RIOK3: variants seen among roughly 807,000 people sequenced by gnomAD.
The protein encoded by RIOK3 is RIO kinase 3.
A neutral mutation model predicts 63.5 loss-of-function variants in RIOK3; 40 were observed. That is an observed-to-expected ratio of 0.63 (90% CI 0.49 to 0.82). RIOK3 has a LOEUF of 0.82. RIOK3 is among the 40% of genes least tolerant of loss of function. RIOK3 has a pLI of 0.00. For missense variants in RIOK3, 557 were observed against 637.0 expected, an observed-to-expected ratio of 0.87 and a Z score of 1.35; for synonymous variants, 193 against 205.0, an observed-to-expected ratio of 0.94 and a Z score of 0.50.
At position 23,481,255 on chromosome 18, in the gene RIOK3, C is replaced by T. The variant is rs771618528; in HGVS notation, c.1536C>T (p.Asp512=). The change falls in exon 13 of 13, where the codon GAC becomes GAT. Residue 512 remains aspartate (D), a synonymous_variant. Coordinates refer to ENST00000339486, the MANE Select transcript of RIOK3 (RefSeq NM_003831.5). The part of the protein sequence containing the change: ...KAASFLKDDG[D]PPLLYDE ...CTTCATTTTTGAAAGATGATGGAGA[C>T]CCACCACTACTATATGATGAATAGC... is the stretch of plus-strand genomic sequence containing the variant. 84 of 1,605,138 alleles carry T rather than the reference C, an allele frequency of 5.2e-5. No homozygotes were observed. Among genetic ancestry groups the T allele is most frequent in the Non-Finnish European group, 6.9e-5 (81 of 1,173,700 alleles).
chr18:23,455,704 G>A (rs898518637), intron 1 of RIOK3, among the ~76,000 whole-genome samples: 1 of 151,836 alleles, frequency 6.6e-6, no homozygotes, highest in African/African-American at 2.4e-5. Flanking sequence ...GAGTGCAGTG[G>A]CATGATCACA....
intron 7 of RIOK3, among the ~76,000 whole-genome samples, chr18:23,469,465 T>C (rs2057441002): frequency 1.3e-5 from 2 of 148,172 alleles, no homozygotes; most frequent in African/African-American, 5.0e-5. Context: ...TCTCTTTTTC[T>C]TTCTTTCTTT....
intron 6 of RIOK3, 85 bp downstream of exon 6, chr18:23,466,361 G>T: frequency 8.9e-7 from 1 of 1,117,396 alleles, no homozygotes; most frequent in South Asian, 1.8e-5. Context: ...AAAACTTCAT[G>T]TTTGATATTT....
intron 12 of RIOK3, among the ~76,000 whole-genome samples, chr18:23,480,419 G>A (rs535114370): frequency 2.6e-5 from 4 of 152,178 alleles, no homozygotes; most frequent in African/African-American, 9.6e-5. Context: ...CCTGTTTCTG[G>A]AATGTTTTAT....
At chr18:23,478,003 C>A (rs146681382) in intron 11 of RIOK3, among the ~76,000 whole-genome samples, 20 of 149,318 alleles carry the variant, frequency 1.3e-4, no homozygotes, top group Non-Finnish European at 2.5e-4. Flanking sequence ...GCCTGGGAAT[C>A]GGAGGTTGCA....
Position 23,468,353 on chromosome 18 carries a change from A to G in RIOK3, c.815+827A>G, listed in dbSNP as rs139834927. On this transcript the variant is annotated intron_variant, in intron 7 of 12. Transcript: ENST00000339486. ...GTTTTGCTCTTGTTGCCCAGGGTGG[A>G]GTACAATGGCGCAATCTCAGCTCAC... Among the ~76,000 whole-genome samples the G allele has an allele frequency of 3.0e-3, 344 of 114,652 alleles. 3 individuals are homozygous for G. Among genetic ancestry groups the G allele is most frequent in the African/African-American group, 0.012 (330 of 28,218 alleles). 75.2% of individuals were successfully genotyped at this position (114,652 alleles called of 152,430 possible). A position where few individuals can be genotyped will look rare whatever the true frequency, so the allele number is the denominator to read the frequency against.
intron 9 of RIOK3, among the ~76,000 whole-genome samples, chr18:23,476,793 T>G (rs533726294): frequency 3.1e-4 from 47 of 152,178 alleles, no homozygotes; most frequent in South Asian, 1.2e-3. Context: ...GTGCCTGTAG[T>G]CCGAGCTACT....
Position 23,463,992 on chromosome 18 carries a change from G to A in RIOK3, c.205G>A (p.Gly69Arg). The change falls in exon 3 of 13, where the codon GGA becomes AGA. Residue 69 changes from glycine (G) to arginine (R), a missense_variant. Gly to Arg is a moderately radical substitution (Grantham distance 125). Coordinates refer to ENST00000339486, the MANE Select transcript of RIOK3 (RefSeq NM_003831.5). ...VAVAEGPFIT[G>R]ENIDTSSDLM... ...TGTTGCTGAAGGACCATTTATTACT[G>A]GAGAAAACATTGATACTTCCAGTGA... 6.2e-7 allele frequency: 1 copy of A among 1,610,408 alleles called. No individual in the cohort carries two copies. Among genetic ancestry groups the A allele is most frequent in the Non-Finnish European group, 8.5e-7 (1 of 1,178,774 alleles).
intron 1 of RIOK3, among the ~76,000 whole-genome samples, chr18:23,462,688 C>T (rs903138199): frequency 1.4e-4 from 21 of 152,332 alleles, no homozygotes; most frequent in African/African-American, 4.8e-4. Flanking sequence ...GCTAGTGGGG[C>T]GATGCCAGTG....
Position 23,477,208 on chromosome 18 carries a change from A to G in RIOK3, c.1284A>G (p.Val428=). The G allele has an allele frequency of 1.2e-6, 2 of 1,614,194 alleles. No individual in the cohort carries two copies. The highest frequency in any genetic ancestry group is 1.7e-5 in the Admixed American group (1 of 60,026). ...KVWLIDVSQS[V]EPTHPHGLEF... is the part of the protein sequence containing the mutation. ...GGTTGATCGATGTCAGTCAGTCAGT[A>G]GAACCTACCCACCCTCACGGCCTGG... Residue 428 remains valine, a synonymous_variant, in exon 11 of 13, where the codon GTA becomes GTG. Coordinates refer to ENST00000339486, the MANE Select transcript of RIOK3 (RefSeq NM_003831.5).
At chr18:23,480,245 T>A (rs1638561665) in intron 12 of RIOK3, among the ~76,000 whole-genome samples, 1 of 152,090 alleles carries the variant, frequency 6.6e-6, no homozygotes, top group African/African-American at 2.4e-5. Context: ...GATTACTGAG[T>A]CTGTTCCAGA....
At chr18:23,468,802 C>T (rs190771433) in intron 7 of RIOK3, among the ~76,000 whole-genome samples, 127 of 152,280 alleles carry the variant, frequency 8.3e-4, no homozygotes, top group African/African-American at 3.0e-3. Flanking sequence ...GCCAAAACAG[C>T]ATCCATTTAT....
Position 23,464,176 on chromosome 18 carries a change from G to A in RIOK3, c.326-30G>A, listed in dbSNP as rs753850082. On this transcript the variant is annotated intron_variant, in intron 3 of 12. Transcript: ENST00000339486. The stretch of plus-strand genomic sequence containing the variant: ...GAAAACACTCATAATGTGCTCCTAA[G>A]TAAATCTTCAACTATTTTTGCTTCT... The A allele has an allele frequency of 1.9e-6, 3 of 1,610,332 alleles. No homozygotes were observed. The South Asian group carries it at 3.3e-5, about 18-fold the overall frequency.
Position 23,466,289 on chromosome 18 carries a change from AGAT to A in RIOK3, c.687+14_687+16del, listed in dbSNP as rs773454640. ...GCATTCTACAGCAGTAAGGATTTAT[AGAT>A]TTTTTTTTTTCTTTTTTACTAGAAA... On this transcript the variant is annotated intron_variant, in intron 6 of 12. Transcript: ENST00000339486. 14 of 1,537,072 alleles carry A rather than the reference AGAT, an allele frequency of 9.1e-6. No homozygotes were observed. The highest frequency in any genetic ancestry group is 2.3e-5 in the Admixed American group (1 of 43,212).
At chr18:23,477,987 A>T (rs2057504622) in intron 11 of RIOK3, among the ~76,000 whole-genome samples, 1 of 150,876 alleles carries the variant, frequency 6.6e-6, no homozygotes, top group Non-Finnish European at 1.5e-5. Flanking sequence ...AAGGAGAATC[A>T]CTTGAGCCTG....
At chr18:23,480,660 C>T (rs2057527509) in intron 12 of RIOK3, among the ~76,000 whole-genome samples, 1 of 151,548 alleles carries the variant, frequency 6.6e-6, no homozygotes, top group South Asian at 2.1e-4. Flanking sequence ...AAATTACTGG[C>T]TCAGCCAGGC....
chr18:23,456,309 G>A (rs995652812), intron 1 of RIOK3: 1 of 152,094 alleles, frequency 6.6e-6, no homozygotes, highest in African/African-American at 2.4e-5. Context: ...TATATCAATT[G>A]ATATTTATCA....
At chr18:23,464,715 T>C in intron 5 of RIOK3, 87 bp downstream of exon 5, 1 of 649,416 alleles carries the variant, frequency 1.5e-6, no homozygotes. Flanking sequence ...ATACCTTAGA[T>C]TTCTAAAAAT....
chr18:23,479,637 C>T (rs1364215269), intron 12 of RIOK3, among the ~76,000 whole-genome samples: 1 of 151,312 alleles, frequency 6.6e-6, no homozygotes, highest in Admixed American at 6.6e-5. Context: ...AATGCAGTGG[C>T]GTGATCTTGG....
Sources: allele counts gnomAD v4.1 joint callset (sites outside exome capture counted in the v4.1 genomes callset), GRCh38; gene constraint gnomAD v4.1.1; transcripts MANE v1.5; gene names NCBI Gene and HGNC (gene_info 2026-07-23, HGNC 2026-07-21).